Variants in LARGE1 observed in about 807,000 individuals in gnomAD.
LARGE1 encodes the protein LARGE xylosyl- and glucuronyltransferase 1, also known as xylosyl- and glucuronyltransferase LARGE1.
A neutral mutation model predicts 87.6 loss-of-function variants in LARGE1; 43 were observed. The ratio of observed to expected loss-of-function variants is 0.49; its 90% CI spans 0.38 to 0.63. LARGE1 has a LOEUF of 0.63. Ranked by LOEUF, LARGE1 falls within the 30% of genes least tolerant of loss-of-function variation. LARGE1 has a pLI of 0.00. For missense variants in LARGE1, 802 were observed against 1,000.2 expected (o/e 0.80, Z 2.67); for synonymous variants, 434 against 394.6 (o/e 1.10, Z -1.18).
At chr22:33,185,680 T>C (rs1275632417) in intron 11 of LARGE1, among the ~76,000 whole-genome samples, 1 of 152,182 alleles carries the variant, frequency 6.6e-6, no homozygotes, top group Non-Finnish European at 1.5e-5. Context: ...CTCTCTGTAA[T>C]TCCACTCAAT....
At chr22:33,507,699 CA>C (rs1199754295) in intron 6 of LARGE1, among the ~76,000 whole-genome samples, 5 of 152,180 alleles carry the variant, frequency 3.3e-5, no homozygotes, top group Admixed American at 2.6e-4. Context: ...AAAATGGTTA[CA>C]ATGGTAAAAT....
intron 10 of LARGE1, among the ~76,000 whole-genome samples, chr22:33,327,345 G>A (rs897719738): frequency 6.6e-6 from 1 of 152,150 alleles, no homozygotes; most frequent in Non-Finnish European, 1.5e-5. Flanking sequence ...CATTTCAGAG[G>A]TGAGGCAGTG....
At chr22:33,122,853 C>T in the LARGE1 span, among the ~76,000 whole-genome samples, 1 of 152,194 alleles carries the variant, frequency 6.6e-6, no homozygotes, top group Non-Finnish European at 1.5e-5. Flanking sequence ...TTTCCACCAT[C>T]TCTGTCAACT....
chr22:33,602,675 A>T (rs2079143176), intron 5 of LARGE1, among the ~76,000 whole-genome samples: 1 of 151,310 alleles, frequency 6.6e-6, no homozygotes. Flanking sequence ...CACTTGGCTA[A>T]TTTTTAAAAT....
chr22:33,666,779 T>G (rs1308157925), intron 2 of LARGE1, among the ~76,000 whole-genome samples: 1 of 152,184 alleles, frequency 6.6e-6, no homozygotes, highest in East Asian at 1.9e-4. Flanking sequence ...CTTCAGCTGC[T>G]CATCAATAGA....
chr22:33,652,758 G>C (rs1320411539), intron 2 of LARGE1, among the ~76,000 whole-genome samples: 1 of 152,196 alleles, frequency 6.6e-6, no homozygotes, highest in Admixed American at 6.5e-5. Context: ...GGTCTCACTT[G>C]TGCTTGTGTC....
intron 2 of LARGE1, among the ~76,000 whole-genome samples, chr22:33,683,305 C>T (rs1390301052): frequency 6.6e-6 from 1 of 152,200 alleles, no homozygotes; most frequent in Non-Finnish European, 1.5e-5. Flanking sequence ...AAAGAAACTG[C>T]CTGTCTGACA....
intron 2 of LARGE1, among the ~76,000 whole-genome samples, chr22:33,660,745 G>A (rs149724525): frequency 2.0e-5 from 3 of 152,376 alleles, no homozygotes; most frequent in African/African-American, 7.2e-5. Flanking sequence ...AGCATCAACT[G>A]AGTGTCCTCA....
intron 6 of LARGE1, among the ~76,000 whole-genome samples, chr22:33,554,497 C>T (rs1402934364): frequency 6.6e-6 from 1 of 152,122 alleles, no homozygotes. Context: ...GACCTGTTTA[C>T]CCCATCTCTG....
At chr22:33,679,012 T>G (rs1267755199) in intron 2 of LARGE1, among the ~76,000 whole-genome samples, 1 of 152,204 alleles carries the variant, frequency 6.6e-6, no homozygotes, top group African/African-American at 2.4e-5. Context: ...ATCCCTTCAA[T>G]TCAGCAGGTA....
At chr22:33,231,428 G>A (rs1247312744) in intron 11 of LARGE1, among the ~76,000 whole-genome samples, 1 of 152,104 alleles carries the variant, frequency 6.6e-6, no homozygotes, top group African/African-American at 2.4e-5. Flanking sequence ...CATTTCATAG[G>A]GCACTTGAAA....
intron 1 of LARGE1, among the ~76,000 whole-genome samples, chr22:33,883,682 A>G (rs116141369): frequency 0.019 from 2,903 of 152,360 alleles, 98 homozygotes; most frequent in African/African-American, 0.065. Flanking sequence ...CAATTAAGAA[A>G]TGGCCTGAAG....
intron 1 of LARGE1, among the ~76,000 whole-genome samples, chr22:33,839,067 G>A (rs1276751412): frequency 2.6e-5 from 4 of 152,156 alleles, no homozygotes; most frequent in Non-Finnish European, 4.4e-5. Context: ...TTTTTGCATC[G>A]CTAGAAAGAA....
chr22:33,622,335 T>C (rs1321094551), intron 4 of LARGE1, among the ~76,000 whole-genome samples: 1 of 152,156 alleles, frequency 6.6e-6, no homozygotes, highest in Non-Finnish European at 1.5e-5. Flanking sequence ...CACTTCTCCT[T>C]CCTGCCATCT....
intron 2 of LARGE1, among the ~76,000 whole-genome samples, chr22:33,666,437 C>A (rs909936093): frequency 1.3e-5 from 2 of 152,192 alleles, no homozygotes; most frequent in Non-Finnish European, 2.9e-5. Flanking sequence ...CTGGCAGCTG[C>A]CTAAGCAGGA....
At chr22:33,334,095 C>T (rs1026329545) in intron 10 of LARGE1, among the ~76,000 whole-genome samples, 12 of 149,842 alleles carry the variant, frequency 8.0e-5, no homozygotes, top group African/African-American at 3.0e-4. Flanking sequence ...TGCACTCCAG[C>T]TGGGGCGACA....
chr22:33,320,994 TG>T (rs1330288116), intron 10 of LARGE1: 3 of 152,212 alleles, frequency 2.0e-5, no homozygotes, highest in Non-Finnish European at 4.4e-5. Context: ...TGCAGCACAG[TG>T]GCTAAGGACA....
the LARGE1 span, among the ~76,000 whole-genome samples, chr22:33,069,396 CAAAGG>C: frequency 6.6e-6 from 1 of 152,088 alleles, no homozygotes; most frequent in African/African-American, 2.4e-5. Context: ...AATTAAAGCA[CAAAGG>C]AAAGTTCGGT....
intron 10 of LARGE1, among the ~76,000 whole-genome samples, chr22:33,334,335 G>A (rs925481271): frequency 2.0e-5 from 3 of 148,608 alleles, no homozygotes; most frequent in African/African-American, 5.0e-5. Context: ...TGCTTGAACC[G>A]GAGAGGCGGA....
Sources: allele counts gnomAD v4.1 joint callset (sites outside exome capture counted in the v4.1 genomes callset), GRCh38; gene constraint gnomAD v4.1.1; transcripts MANE v1.5; gene names NCBI Gene and HGNC (gene_info 2026-07-23, HGNC 2026-07-21).